The following KMT2C variants were observed in gnomAD, a reference collection of about 807,000 sequenced individuals.
KMT2C encodes the protein histone-lysine N-methyltransferase 2C.
KMT2C carries 88 observed loss-of-function variants against 507.9 expected under a neutral mutation model. That is an observed-to-expected ratio of 0.17 (90% CI 0.15 to 0.21). The LOEUF (loss-of-function observed/expected upper bound fraction) is 0.21. Among genes scored for constraint, KMT2C ranks in the 10% least tolerant of loss-of-function variants. The pLI is 1.00. For synonymous variants in KMT2C, 2,049 were observed against 2,080.8 expected (o/e 0.98, Z 0.42); for missense variants, 4,954 against 5,957.8 (o/e 0.83, Z 5.55).
At position 152,159,005 on chromosome 7, in the gene KMT2C, C is replaced by A. The variant is rs201952980; in HGVS notation, c.11528G>T (p.Gly3843Val). 1 of 1,614,204 alleles carries A rather than the reference C, an allele frequency of 6.2e-7. No individual in the cohort carries two copies. Among genetic ancestry groups the A allele is most frequent in the Non-Finnish European group, 8.5e-7 (1 of 1,180,042 alleles). ...CGNQLPKTDG[G>V]SETKKQRSKR... ...GCTTCGCTGTTTCTTGGTTTCACTTCCTCCATCTGTTTTTGGCAACTGGTT... is the reference window on the plus strand; with the variant it reads ...GCTTCGCTGTTTCTTGGTTTCACTTACTCCATCTGTTTTTGGCAACTGGTT... Residue 3843 changes from glycine (G) to valine (V), a missense_variant, in exon 44 of 59, where the codon GGA (glycine) becomes GTA (valine). Transcript: ENST00000262189.
chr7:152,242,476 T>C (rs1182522381), intron 14 of KMT2C, among the ~76,000 whole-genome samples: 1 of 152,152 alleles, frequency 6.6e-6, no homozygotes, highest in Non-Finnish European at 1.5e-5. Context: ...ATGTAATCAT[T>C]ATTAAGTTGT....
chr7:152,253,408 T>C (rs889603850), intron 9 of KMT2C, among the ~76,000 whole-genome samples: 40 of 148,894 alleles, frequency 2.7e-4, no homozygotes, highest in African/African-American at 9.2e-4. Context: ...GGTGTGATGG[T>C]TGATGCCAGT....
chr7:152,430,864 A>G (rs772540753), intron 1 of KMT2C, among the ~76,000 whole-genome samples: 1 of 152,128 alleles, frequency 6.6e-6, no homozygotes, highest in Non-Finnish European at 1.5e-5. Context: ...AAACTGACCA[A>G]TTTTCACCTT....
In KMT2C at chr7:152,249,969, T is replaced by G. The variant is rs1348097828; in HGVS notation, c.1736-16A>C. On this transcript the variant is annotated splice_polypyrimidine_tract_variant and intron_variant, in intron 12 of 58. Coordinates refer to ENST00000262189, the MANE Select transcript of KMT2C (RefSeq NM_170606.3). ...ACTTGAACCGCTGTGAGTAACACAT[T>G]TATAAAATCTCTAAGGAGTCAAAAT... 2.5e-6 allele frequency: 4 copies of G among 1,568,966 alleles called. No individual in the cohort carries two copies. The highest frequency in any genetic ancestry group is 3.3e-4 in the Middle Eastern group (2 of 5,986).
chr7:152,398,704 T>A (rs935929839), intron 1 of KMT2C, among the ~76,000 whole-genome samples: 1 of 151,570 alleles, frequency 6.6e-6, no homozygotes, highest in Non-Finnish European at 1.5e-5. Flanking sequence ...CCCAGCCCCT[T>A]TTACTTTTTA....
intron 3 of KMT2C, among the ~76,000 whole-genome samples, chr7:152,324,938 T>C (rs1208947244): frequency 2.0e-5 from 3 of 152,042 alleles, no homozygotes; most frequent in Non-Finnish European, 4.4e-5. Flanking sequence ...AATCGAGTAA[T>C]GTTTATTGCA....
intron 9 of KMT2C, among the ~76,000 whole-genome samples, chr7:152,259,450 A>ACACGCGCG (rs1239524212): frequency 4.7e-4 from 43 of 91,122 alleles, no homozygotes; most frequent in African/African-American, 2.1e-3. Context: ...ACACGCGCAC[A>ACACGCGCG]CACACACACA....
Position 152,176,628 on chromosome 7 carries a change from G to A in KMT2C, c.8825C>T (p.Thr2942Ile), listed in dbSNP as rs755875522. 6.2e-7 allele frequency: 1 copy of A among 1,614,236 alleles called. No homozygotes were observed. Among genetic ancestry groups the A allele is most frequent in the East Asian group, 2.2e-5 (1 of 44,888 alleles). The change falls in exon 38 of 59, where the codon ACT (threonine) becomes ATT (isoleucine). Residue 2942 changes from threonine to isoleucine, a missense_variant. By Grantham distance (89) the Thr-to-Ile change is moderately conservative (BLOSUM62 -1). This residue lies in a region of KMT2C where 1,689 missense variants were observed against 1,654.3 expected (regional missense o/e 1.02). Coordinates refer to ENST00000262189, the MANE Select transcript of KMT2C (RefSeq NM_170606.3). ...IRPSGSPPPP[T>I]LPASPSNHVS... is the part of the protein sequence containing the mutation. ...ATGATTGGATGGGGAGGCCGGCAGAGTTGGTGGTGGTGGAGACCCCGATGG... is the reference window on the plus strand; with the variant it reads ...ATGATTGGATGGGGAGGCCGGCAGAATTGGTGGTGGTGGAGACCCCGATGG...
intron 3 of KMT2C, among the ~76,000 whole-genome samples, chr7:152,323,779 G>A (rs2096795281): frequency 6.9e-6 from 1 of 144,994 alleles, no homozygotes; most frequent in Admixed American, 6.8e-5. Context: ...AGAAAAAGAG[G>A]GGGAGGGGAA....
intron 31 of KMT2C, among the ~76,000 whole-genome samples, chr7:152,190,716 C>CTAT (rs2093766763): frequency 6.6e-6 from 1 of 152,072 alleles, no homozygotes; most frequent in Non-Finnish European, 1.5e-5. Flanking sequence ...CTTGAAAATT[C>CTAT]TATTCTCTAC....
chr7:152,264,856 A>T, intron 8 of KMT2C, among the ~76,000 whole-genome samples, 182 bp downstream of exon 8: 1 of 151,298 alleles, frequency 6.6e-6, no homozygotes. Context: ...AACAAATTAT[A>T]TTATGGATAT....
At chr7:152,301,324 G>GA (rs971967399) in intron 6 of KMT2C, among the ~76,000 whole-genome samples, 18 of 151,618 alleles carry the variant, frequency 1.2e-4, no homozygotes, top group Admixed American at 5.3e-4. Context: ...CCCACACGGT[G>GA]AAACTCCATC....
Position 152,139,178 on chromosome 7 carries a change from T to G in KMT2C, c.14534+8A>C, listed in dbSNP as rs1486949730. 15 of 1,613,786 alleles carry G rather than the reference T, an allele frequency of 9.3e-6. No homozygotes were observed. The highest frequency in any genetic ancestry group is 1.2e-5 in the Non-Finnish European group (14 of 1,179,818). On this transcript the variant is annotated splice_region_variant and intron_variant, in intron 57 of 58. Coordinates refer to ENST00000262189, the MANE Select transcript of KMT2C (RefSeq NM_170606.3). ...AAGCACTCCCCGTCAGGTTCCTCGC[T>G]GTCTCACCTTGCGGGCCCTCCTGTG...
intron 1 of KMT2C, among the ~76,000 whole-genome samples, chr7:152,400,667 T>C (rs2097566969): frequency 6.6e-6 from 1 of 152,234 alleles, no homozygotes; most frequent in African/African-American, 2.4e-5. Context: ...CTTTTACAGA[T>C]AAGCAAGGAT....
At chr7:152,350,504 C>T (rs141271647) in intron 2 of KMT2C, among the ~76,000 whole-genome samples, 4 of 152,148 alleles carry the variant, frequency 2.6e-5, no homozygotes, top group Non-Finnish European at 5.9e-5. Flanking sequence ...CAAACCTGTA[C>T]AGCATGTTAC....
chr7:152,410,999 T>A (rs1445571801), intron 1 of KMT2C, among the ~76,000 whole-genome samples: 11 of 151,980 alleles, frequency 7.2e-5, no homozygotes, highest in African/African-American at 2.7e-4. Flanking sequence ...CGAGACCAAG[T>A]CTCAAAAAAA....
rs2091860137 is a variant in KMT2C, at chr7:152,154,040, T to A, written c.12246A>T (p.Val4082=). The part of the protein sequence containing the change: ...PNGPRSGLIS[V]AITLHPTAAE... ...CAGCTGTAGGATGCAGAGTAATTGC[T>A]ACAGATATAAGACCTGATCTGGGAC... The change falls in exon 48 of 59, where the codon GTA becomes GTT. Residue 4082 remains valine (V), a synonymous_variant. Transcript: ENST00000262189. 6.2e-7 allele frequency: 1 copy of A among 1,614,148 alleles called. No homozygotes were observed. Among genetic ancestry groups the A allele is most frequent in the African/African-American group, 1.3e-5 (1 of 75,042 alleles).
intron 2 of KMT2C, among the ~76,000 whole-genome samples, chr7:152,355,171 A>C (rs2097142231): frequency 6.6e-6 from 1 of 152,210 alleles, no homozygotes; most frequent in South Asian, 2.1e-4. Flanking sequence ...TGAATGTATA[A>C]AATGTAAAAT....
chr7:152,255,109 T>TTATGTATA (rs1554583517), intron 9 of KMT2C, among the ~76,000 whole-genome samples: 3 of 78,350 alleles, frequency 3.8e-5, no homozygotes, highest in Admixed American at 1.4e-4. Context: ...CAACTCTCAC[T>TTATGTATA]TATATATATA....
Sources: allele counts gnomAD v4.1 joint callset (sites outside exome capture counted in the v4.1 genomes callset), GRCh38; gene constraint gnomAD v4.1.1; regional missense constraint gnomAD v4.1.1; transcripts MANE v1.5; gene names NCBI Gene and HGNC (gene_info 2026-07-23, HGNC 2026-07-21).